FHIT: variants seen among roughly 807,000 people sequenced by gnomAD.
FHIT encodes fragile histidine triad diadenosine triphosphatase.
In FHIT, 19 loss-of-function variants were observed where a neutral mutation model predicts 17.9. The ratio of observed to expected loss-of-function variants is 1.06; its 90% CI spans 0.74 to 1.56. The LOEUF is 1.56. Ranked by LOEUF, FHIT falls within the 40% of genes most tolerant of loss-of-function variation. The pLI, the probability that FHIT is intolerant of heterozygous loss-of-function variation, is 0.00. For missense variants in FHIT, 248 were observed against 189.2 expected, an observed-to-expected ratio of 1.31 and a Z score of -1.82; for synonymous variants, 81 against 69.7, an observed-to-expected ratio of 1.16 and a Z score of -0.81.
At chr3:61,071,687 G>C (rs938920968) in intron 2 of FHIT, among the ~76,000 whole-genome samples, 4 of 152,036 alleles carry the variant, frequency 2.6e-5, no homozygotes, top group Non-Finnish European at 5.9e-5. Context: ...TTTATAATAA[G>C]TATTTCCATA....
chr3:60,718,893 C>T (rs2041747164), intron 4 of FHIT, among the ~76,000 whole-genome samples: 1 of 152,158 alleles, frequency 6.6e-6, no homozygotes, highest in African/African-American at 2.4e-5. Context: ...ATTTTTCAAA[C>T]TTTTGATACT....
intron 5 of FHIT, among the ~76,000 whole-genome samples, chr3:60,102,735 C>T (rs1228554561): frequency 6.6e-6 from 1 of 152,072 alleles, no homozygotes; most frequent in Non-Finnish European, 1.5e-5. Context: ...AATTCCTAGG[C>T]TCATAAAGAC....
intron 3 of FHIT, among the ~76,000 whole-genome samples, chr3:61,000,979 A>C (rs1488626808): frequency 2.0e-5 from 3 of 152,168 alleles, no homozygotes; most frequent in African/African-American, 7.2e-5. Flanking sequence ...AAAAAACAAT[A>C]AACAGTTAGA....
intron 5 of FHIT, among the ~76,000 whole-genome samples, chr3:60,310,714 A>G (rs1390765): frequency 0.13 from 19,882 of 152,096 alleles, 1,343 homozygotes; most frequent in East Asian, 0.15. Flanking sequence ...GGAAAGAAAG[A>G]AAACAAAGGG....
chr3:60,041,571 C>A (rs780904449), intron 5 of FHIT, among the ~76,000 whole-genome samples: 2 of 152,154 alleles, frequency 1.3e-5, no homozygotes, highest in Non-Finnish European at 2.9e-5. Context: ...AACATATGGT[C>A]TTTATTAATG....
chr3:60,308,342 TG>T (rs35966319), intron 5 of FHIT, among the ~76,000 whole-genome samples: 57,577 of 151,800 alleles, frequency 0.38, 13,303 homozygotes, highest in Non-Finnish European at 0.53. Context: ...TTCCCACTAT[TG>T]GGCCTGACTT....
intron 5 of FHIT, among the ~76,000 whole-genome samples, chr3:60,441,718 A>ATTTGTATT (rs11280943): frequency 0.44 from 41,352 of 93,006 alleles, 12,081 homozygotes; most frequent in Non-Finnish European, 0.62. Context: ...ATATATATAT[A>ATTTGTATT]TATATTTGTA....
intron 8 of FHIT, among the ~76,000 whole-genome samples, chr3:59,764,839 C>T (rs905201430): frequency 6.7e-6 from 1 of 150,294 alleles, no homozygotes; most frequent in Non-Finnish European, 1.5e-5. Context: ...TCAGCATAGG[C>T]AACAGAGATG....
At chr3:60,545,653 TG>T (rs1478092751) in intron 4 of FHIT, among the ~76,000 whole-genome samples, 6 of 152,214 alleles carry the variant, frequency 3.9e-5, no homozygotes, top group Non-Finnish European at 8.8e-5. Flanking sequence ...ATATATAGGA[TG>T]TTTTTGCTAT....
intron 7 of FHIT, among the ~76,000 whole-genome samples, chr3:60,006,761 G>T (rs1699941790): frequency 6.6e-6 from 1 of 151,984 alleles, no homozygotes; most frequent in African/African-American, 2.4e-5. Context: ...AACCTCTGAT[G>T]CCAAAGTATG....
intron 4 of FHIT, among the ~76,000 whole-genome samples, chr3:60,768,556 C>T (rs1249790744): frequency 1.3e-5 from 2 of 152,238 alleles, no homozygotes; most frequent in East Asian, 3.8e-4. Flanking sequence ...AAATGTACCA[C>T]TTGCTAGAAA....
At chr3:60,622,732 T>A (rs1029276) in intron 4 of FHIT, among the ~76,000 whole-genome samples, 17,249 of 152,284 alleles carry the variant, frequency 0.11, 1,186 homozygotes, top group Non-Finnish European at 0.15. Flanking sequence ...GGGAGGCATT[T>A]CTAGAGAAAG....
intron 1 of FHIT, among the ~76,000 whole-genome samples, chr3:61,227,373 C>T (rs1198294764): frequency 6.6e-6 from 1 of 152,172 alleles, no homozygotes; most frequent in Admixed American, 6.5e-5. Flanking sequence ...ATCATAATCA[C>T]ATTTTCTTGC....
chr3:59,983,713 G>C (rs1472194121), intron 7 of FHIT, among the ~76,000 whole-genome samples: 1 of 152,078 alleles, frequency 6.6e-6, no homozygotes, highest in African/African-American at 2.4e-5. Flanking sequence ...ATGACAACCT[G>C]GCTGTGGAAG....
intron 5 of FHIT, among the ~76,000 whole-genome samples, chr3:60,080,544 C>G (rs1052466369): frequency 1.3e-5 from 2 of 152,026 alleles, no homozygotes; most frequent in Non-Finnish European, 2.9e-5. Flanking sequence ...TCTTTATTCA[C>G]CAAACATTTA....
At chr3:60,506,224 A>G (rs567537273) in intron 5 of FHIT, among the ~76,000 whole-genome samples, 50 of 152,252 alleles carry the variant, frequency 3.3e-4, no homozygotes, top group Non-Finnish European at 6.2e-4. Context: ...CATAGCACAC[A>G]TGGTTGATGT....
chr3:61,040,050 A>G (rs932260875), intron 3 of FHIT, among the ~76,000 whole-genome samples: 7 of 152,188 alleles, frequency 4.6e-5, no homozygotes, highest in Non-Finnish European at 4.4e-5. Flanking sequence ...GGTGAATAAT[A>G]CTGTGGTTTT....
intron 7 of FHIT, among the ~76,000 whole-genome samples, chr3:59,929,936 G>C (rs1705884602): frequency 6.6e-6 from 1 of 151,244 alleles, no homozygotes. Flanking sequence ...TAGTTTATTT[G>C]GTGGATGATC....
chr3:59,775,583 T>A (rs1266594559), intron 8 of FHIT, among the ~76,000 whole-genome samples: 1 of 152,164 alleles, frequency 6.6e-6, no homozygotes, highest in East Asian at 1.9e-4. Flanking sequence ...CTCACACTTT[T>A]AAAAAAACTT....
Sources: allele counts gnomAD v4.1 joint callset (sites outside exome capture counted in the v4.1 genomes callset), GRCh38; gene constraint gnomAD v4.1.1; transcripts MANE v1.5; gene names NCBI Gene and HGNC (gene_info 2026-07-23, HGNC 2026-07-21).